Variants in IFT140 observed in about 807,000 individuals in gnomAD.
IFT140 encodes the protein intraflagellar transport 140.
Under a neutral mutation model 164.6 loss-of-function variants are expected in IFT140, and 133 were observed. The ratio of observed to expected loss-of-function variants is 0.81; its 90% CI spans 0.70 to 0.93. The LOEUF (loss-of-function observed/expected upper bound fraction) is 0.93, where lower values mean the gene tolerates loss of function less well. IFT140 is among the 40% of genes least tolerant of loss of function. IFT140 has a pLI of 0.00. For missense variants in IFT140, 2,045 were observed against 1,972.3 expected (o/e 1.04, Z -0.70); for synonymous variants, 860 against 817.3 (o/e 1.05, Z -0.89).
At chr16:1,585,269 A>G (rs1425827227) in intron 10 of IFT140, among the ~76,000 whole-genome samples, 1 of 152,226 alleles carries the variant, frequency 6.6e-6, no homozygotes, top group Non-Finnish European at 1.5e-5. Context: ...ACAGGCTACA[A>G]TCTGGAGGGG....
chr16:1,584,281 A>T lies in IFT140; in HGVS notation c.1295T>A (p.Leu432Gln). Residue 432 changes from leucine to glutamine, a missense_variant, in exon 11 of 31, where the codon CTG becomes CAG. By Grantham distance (113) the Leu-to-Gln change is moderately radical (BLOSUM62 -2). Coordinates refer to ENST00000426508, the MANE Select transcript of IFT140 (RefSeq NM_014714.4). ...VSPSLLNVCF[L>Q]STGVAHSLRT... ...CAGGCTGTGTGCGACCCCCGTGGAC[A>T]GGAAGCACACATTCAGCAGACTCGG... The T allele has an allele frequency of 6.2e-7, 1 of 1,613,928 alleles. No homozygotes were observed. Among genetic ancestry groups the T allele is most frequent in the Middle Eastern group, 1.6e-4 (1 of 6,062 alleles).
At chr16:1,540,447 C>T (rs2031525398) in intron 19 of IFT140, among the ~76,000 whole-genome samples, 1 of 152,234 alleles carries the variant, frequency 6.6e-6, no homozygotes, top group African/African-American at 2.4e-5. Flanking sequence ...GACAGCTTCC[C>T]CTGCTGGGCT....
chr16:1,545,197 G>T (rs905753226), intron 19 of IFT140, among the ~76,000 whole-genome samples: 1 of 152,228 alleles, frequency 6.6e-6, no homozygotes. Context: ...TCCTGGTCAG[G>T]AGGGATGGTG....
rs117265160 is a variant in IFT140 at position 1,544,475 on chromosome 16, G to A, written c.2399+13460C>T. Among the ~76,000 whole-genome samples the A allele has an allele frequency of 6.4e-3, 969 of 150,480 alleles. 6 individuals are homozygous for A. The highest frequency in any genetic ancestry group is 0.025 in the Middle Eastern group (7 of 284). On this transcript the variant is annotated intron_variant, in intron 19 of 30. Coordinates refer to ENST00000426508, the MANE Select transcript of IFT140 (RefSeq NM_014714.4). Reference sequence around the variant, plus strand: ...GCTAGGATTATAGGCGTGAGCCACCGCGCCTGGCCACGCCCCACTAATTTT... The same window carrying A: ...GCTAGGATTATAGGCGTGAGCCACCACGCCTGGCCACGCCCCACTAATTTT...
intron 19 of IFT140, among the ~76,000 whole-genome samples, chr16:1,543,433 T>C (rs985315749): frequency 6.6e-6 from 1 of 152,100 alleles, no homozygotes; most frequent in Non-Finnish European, 1.5e-5. Context: ...TAGCATGGCG[T>C]GGCCCTGGGC....
At chr16:1,528,420 T>C (rs1053269079) in intron 19 of IFT140, among the ~76,000 whole-genome samples, 2 of 120,306 alleles carry the variant, frequency 1.7e-5, no homozygotes, top group African/African-American at 8.9e-5. Flanking sequence ...TGGACGCACA[T>C]GCACACACAG....
chr16:1,559,872 G>A (rs1044247347), intron 18 of IFT140, among the ~76,000 whole-genome samples: 3 of 152,342 alleles, frequency 2.0e-5, no homozygotes, highest in Non-Finnish European at 2.9e-5. Flanking sequence ...AATGACACAC[G>A]ACCTGGGCGT....
chr16:1,512,003 T>C (rs2040174421), intron 30 of IFT140, among the ~76,000 whole-genome samples: 1 of 150,670 alleles, frequency 6.6e-6, no homozygotes, highest in Non-Finnish European at 1.5e-5. Flanking sequence ...AGGGCCGGCG[T>C]CCTGATGCAA....
In IFT140 at chr16:1,580,850, C is replaced by T. The variant is rs1322686700; in HGVS notation, c.1433G>A (p.Gly478Glu). ...ELSGAAIRSA[G>E]TFLCETPVLA... is the part of the protein sequence containing the mutation. ...CACAGGCGTCTCACACAAGAAGGTC[C>T]CTAAAATGAAAGACGAACATCAGGA... The change falls in exon 13 of 31, where the codon GGG (glycine) becomes GAG (glutamate). Residue 478 changes from glycine to glutamate, a missense_variant and splice_region_variant. By Grantham distance (98) the Gly-to-Glu change is moderately conservative. Coordinates refer to ENST00000426508, the MANE Select transcript of IFT140 (RefSeq NM_014714.4). The T allele has an allele frequency of 1.9e-6, 3 of 1,610,660 alleles. No individual in the cohort carries two copies. In the African/African-American group the frequency reaches 4.0e-5, roughly 22 times the overall value.
rs748332625 is a variant in IFT140 at position 1,607,274 on chromosome 16, C to G, written c.-8G>C. ...GTCATAATAGAGGGCCATGACGGAA[C>G]TCAGGCCTCCTCAGCGCTGAAACCT... On this transcript the variant is annotated 5_prime_UTR_variant, in exon 3 of 31. Transcript: ENST00000426508. 6.2e-7 allele frequency: 1 copy of G among 1,610,246 alleles called. No homozygotes were observed. Among genetic ancestry groups the G allele is most frequent in the Non-Finnish European group, 8.5e-7 (1 of 1,178,460 alleles).
In IFT140 at chr16:1,554,930, G is replaced by T. The variant is rs1273680801; in HGVS notation, c.2399+3005C>A. On this transcript the variant is annotated intron_variant, in intron 19 of 30. Transcript: ENST00000426508. ...TCTGGAACATTCTCCACAAGAGGGA[G>T]GACTGCATGGCCCCCCGGGTGATTG... 1 of 1,614,210 alleles carries T rather than the reference G, an allele frequency of 6.2e-7. No homozygotes were observed. The highest frequency in any genetic ancestry group is 2.2e-5 in the East Asian group (1 of 44,890).
intron 24 of IFT140, 111 bp downstream of exon 24, chr16:1,524,441 A>G (rs2040613257): frequency 1.4e-6 from 2 of 1,428,676 alleles, no homozygotes; most frequent in Non-Finnish European, 1.9e-6. Context: ...AGTGGCAGAC[A>G]CTGGCCGGAC....
At position 1,534,441 on chromosome 16, in the gene IFT140, C is replaced by T. The variant is rs199572244; in HGVS notation, c.2400-7645G>A. 92 of 1,611,546 alleles carry T rather than the reference C, an allele frequency of 5.7e-5. No individual in the cohort carries two copies. Among genetic ancestry groups the T allele is most frequent in the Middle Eastern group, 1.6e-4 (1 of 6,080 alleles). On this transcript the variant is annotated intron_variant, in intron 19 of 30. Coordinates refer to ENST00000426508, the MANE Select transcript of IFT140 (RefSeq NM_014714.4). ...GTCCTGCTGGCTGGTGGACAGGACC[C>T]GGGGAGGGCCGAGCCCTGGGGCCAG...
chr16:1,584,481 G>T, intron 10 of IFT140, 61 bp from the exon 11 acceptor site: 2 of 1,352,848 alleles, frequency 1.5e-6, no homozygotes, highest in Non-Finnish European at 2.0e-6. Flanking sequence ...AGAAAGATGC[G>T]GTCAGGAGAA....
At chr16:1,554,612 C>T (rs1190998157) in intron 19 of IFT140, among the ~76,000 whole-genome samples, 1 of 152,134 alleles carries the variant, frequency 6.6e-6, no homozygotes, top group Non-Finnish European at 1.5e-5. Flanking sequence ...CAGGAACCCG[C>T]TCTAGGACAG....
intron 30 of IFT140, among the ~76,000 whole-genome samples, chr16:1,513,902 T>C (rs903267188): frequency 6.9e-6 from 1 of 145,862 alleles, no homozygotes; most frequent in Non-Finnish European, 1.5e-5. Flanking sequence ...CTCCATCTCC[T>C]GACCTCATGA....
At chr16:1,571,571 T>G (rs1255890920) in intron 13 of IFT140, 37 bp from the exon 14 acceptor site, 1 of 1,591,670 alleles carries the variant, frequency 6.3e-7, no homozygotes, top group East Asian at 2.2e-5. Context: ...ATATTTCATG[T>G]TAGTTACTGA....
Position 1,565,191 on chromosome 16 carries a change from G to A in IFT140, c.1901+970C>T, listed in dbSNP as rs767220921. Among the ~76,000 whole-genome samples, 267 of 152,210 alleles carry A rather than the reference G, an allele frequency of 1.8e-3. 1 individual carries two copies. Among genetic ancestry groups the A allele is most frequent in the Non-Finnish European group, 2.0e-3 (134 of 68,038 alleles). On this transcript the variant is annotated intron_variant, in intron 16 of 30. Coordinates refer to ENST00000426508, the MANE Select transcript of IFT140 (RefSeq NM_014714.4). Reference sequence around the variant, plus strand: ...AAGACATTTTGGTATGAGAAACGCTGCGGACCTGGGTGACGGGCAGTGGGG... The same window carrying A: ...AAGACATTTTGGTATGAGAAACGCTACGGACCTGGGTGACGGGCAGTGGGG...
rs2032799406 is a variant in IFT140 at position 1,553,054 on chromosome 16, C to T, written c.2399+4881G>A. On this transcript the variant is annotated intron_variant, in intron 19 of 30. Coordinates refer to ENST00000426508, the MANE Select transcript of IFT140 (RefSeq NM_014714.4). The surrounding 1 kb of genome is among the most constrained non-coding windows in gnomAD (Gnocchi z 4.4). ...AATGAACACAGAAACCAGTCACTGT[C>T]ATTGTTCAGGACAAAATGGAGATAG... 1.0e-6 allele frequency: 1 copy of T among 985,406 alleles called. No homozygotes were observed. The highest frequency in any genetic ancestry group is 1.2e-6 in the Non-Finnish European group (1 of 829,936). The allele number at this position is 985,406 out of a possible 1,614,324, so 61.0% of individuals were successfully genotyped here.
Sources: allele counts gnomAD v4.1 joint callset (sites outside exome capture counted in the v4.1 genomes callset), GRCh38; gene constraint gnomAD v4.1.1; non-coding constraint Gnocchi (gnomAD v3.1); transcripts MANE v1.5; gene names NCBI Gene and HGNC (gene_info 2026-07-23, HGNC 2026-07-21).